GOLGB1: variants seen among roughly 807,000 people sequenced by gnomAD.
GOLGB1 encodes golgin subfamily B member 1.
In GOLGB1, 174 loss-of-function variants were observed where a neutral mutation model predicts 336.9. That is an observed-to-expected ratio of 0.52 (90% CI 0.46 to 0.59). GOLGB1 has a LOEUF of 0.59. Among genes scored for constraint, GOLGB1 ranks in the 20% least tolerant of loss-of-function variants. The probability of loss-of-function intolerance (pLI) is 0.00; values close to 1 mark genes in which losing one functional copy is unlikely to be tolerated. For missense variants in GOLGB1, 3,331 were observed against 3,645.3 expected, an observed-to-expected ratio of 0.91 and a Z score of 2.22; for synonymous variants, 1,208 against 1,289.2, an observed-to-expected ratio of 0.94 and a Z score of 1.35.
intron 5 of GOLGB1, among the ~76,000 whole-genome samples, chr3:121,723,774 C>G (rs1945355642): frequency 6.6e-6 from 1 of 152,072 alleles, no homozygotes; most frequent in Non-Finnish European, 1.5e-5. Context: ...TCTTTGAACA[C>G]AACACAAAAA....
chr3:121,702,872 A>G (rs1369686149), intron 10 of GOLGB1, among the ~76,000 whole-genome samples: 3 of 152,232 alleles, frequency 2.0e-5, no homozygotes, highest in Non-Finnish European at 4.4e-5. Context: ...TCCCAAGTCT[A>G]TAGCATAAGA....
chr3:121,668,869 G>A (rs1333791521), intron 18 of GOLGB1, among the ~76,000 whole-genome samples: 1 of 151,966 alleles, frequency 6.6e-6, no homozygotes, highest in Non-Finnish European at 1.5e-5. Context: ...TGTCAACAGT[G>A]CTGCCTGTTT....
rs1310228640 is a variant in GOLGB1 at position 121,691,427 on chromosome 3, A to T, written c.7937T>A (p.Val2646Glu). ...HAQLKVKEEE[V>E]HRLSALFSSS... ...GGAAAACAAAGCACTTAACCTGTGT[A>T]CCTCTTCTTCTTTTACTTTTAACTG... Residue 2646 changes from valine (V) to glutamate (E), a missense_variant, in exon 14 of 22, where the codon GTA becomes GAA. By Grantham distance (121) the Val-to-Glu change is moderately radical. Transcript: ENST00000614479. 5 of 1,613,534 alleles carry T rather than the reference A, an allele frequency of 3.1e-6. No individual in the cohort carries two copies. The highest frequency in any genetic ancestry group is 4.2e-6 in the Non-Finnish European group (5 of 1,179,942).
At position 121,717,388 on chromosome 3, in the gene GOLGB1, G is replaced by A. The variant is rs140442596; in HGVS notation, c.886-249C>T. ...TAGCACCAATTCTGCATTATGATGA[G>A]ACTACTTGGATGTGACAGGATAGGA... On this transcript the variant is annotated intron_variant, in intron 8 of 21. Transcript: ENST00000614479. Among the ~76,000 whole-genome samples the A allele has an allele frequency of 2.2e-3, 330 of 152,290 alleles. 2 individuals are homozygous for A. The highest frequency in any genetic ancestry group is 7.6e-3 in the African/African-American group (315 of 41,566).
rs1560352229 is a variant in GOLGB1, at chr3:121,747,313, G to GTATATATGTGTATATACGTATATATGTA, written c.-3+2291_-3+2318dup. On this transcript the variant is annotated intron_variant, in intron 1 of 21. Transcript: ENST00000614479. ...TATATATGTGTATATATGTATATAT[G>GTATATATGTGTATATACGTATATATGTA]TATATATGTGTATATACGTATATAT... Among the ~76,000 whole-genome samples, 16 of 140,150 alleles carry GTATATATGTGTATATACGTATATATGTA rather than the reference G, an allele frequency of 1.1e-4. No individual in the cohort carries two copies. The East Asian group carries it at 2.7e-3, about 23-fold the overall frequency. The allele number at this position is 140,150 out of a possible 152,430, so 91.9% of individuals were successfully genotyped here.
intron 14 of GOLGB1, among the ~76,000 whole-genome samples, chr3:121,685,707 A>G (rs189674545): frequency 1.3e-5 from 2 of 152,340 alleles, no homozygotes; most frequent in East Asian, 3.9e-4. Flanking sequence ...TGATATTTAC[A>G]TACACAGGAA....
At chr3:121,702,774 T>G (rs190911955) in intron 10 of GOLGB1, among the ~76,000 whole-genome samples, 179 bp from the exon 11 acceptor site, 1 of 152,214 alleles carries the variant, frequency 6.6e-6, no homozygotes, top group Non-Finnish European at 1.5e-5. Context: ...ATCTAAAGAT[T>G]TAGAAAAAGA....
In GOLGB1 at chr3:121,698,363, A is replaced by G. The variant is rs1416102917; in HGVS notation, c.2160T>C (p.Ala720=). The G allele has an allele frequency of 3.7e-6, 6 of 1,613,632 alleles. No individual in the cohort carries two copies. The highest frequency in any genetic ancestry group is 5.1e-6 in the Non-Finnish European group (6 of 1,179,826). Residue 720 remains alanine, a synonymous_variant, in exon 13 of 22, where the codon GCT becomes GCC. Transcript: ENST00000614479. ...EIYEKNLDEK[A]KEISNLNQLI... is the part of the protein sequence containing the mutation. ...ACTGGTTTAGGTTGCTAATTTCCTT[A>G]GCTTTCTCATCTAAATTTTTCTCAT...
intron 10 of GOLGB1, among the ~76,000 whole-genome samples, chr3:121,711,703 T>C (rs1944371680): frequency 1.3e-5 from 2 of 152,166 alleles, no homozygotes; most frequent in African/African-American, 4.8e-5. Context: ...CATTGGAAAA[T>C]GAAATAAAAA....
chr3:121,707,093 G>T (rs1293760508), intron 10 of GOLGB1, among the ~76,000 whole-genome samples: 1 of 151,502 alleles, frequency 6.6e-6, no homozygotes, highest in Non-Finnish European at 1.5e-5. Flanking sequence ...CAGGTGTGGT[G>T]GTGGGTGCCT....
intron 1 of GOLGB1, among the ~76,000 whole-genome samples, chr3:121,738,274 T>C (rs1180396891): frequency 6.6e-6 from 1 of 152,200 alleles, no homozygotes; most frequent in Non-Finnish European, 1.5e-5. Flanking sequence ...AACCAACTGA[T>C]GGGATTCTGA....
intron 2 of GOLGB1, 141 bp from the exon 3 acceptor site, chr3:121,730,158 T>G (rs565303961): frequency 1.9e-5 from 11 of 593,898 alleles, no homozygotes; most frequent in African/African-American, 1.5e-4. Flanking sequence ...CCAATAATAA[T>G]CATTATCATA....
chr3:121,720,840 TC>T (rs1290171493), intron 6 of GOLGB1, among the ~76,000 whole-genome samples: 3 of 152,194 alleles, frequency 2.0e-5, no homozygotes, highest in Admixed American at 2.0e-4. Flanking sequence ...TATCTATATA[TC>T]ATGGTTTTGC....
intron 2 of GOLGB1, 92 bp from the exon 3 acceptor site, chr3:121,730,109 C>A: frequency 1.3e-6 from 1 of 770,582 alleles, no homozygotes; most frequent in Admixed American, 2.7e-5. Flanking sequence ...ATGTTTTGCC[C>A]AATTCATATT....
intron 18 of GOLGB1, among the ~76,000 whole-genome samples, chr3:121,669,007 C>G (rs546280491): frequency 1.3e-5 from 2 of 152,300 alleles, no homozygotes; most frequent in African/African-American, 4.8e-5. Flanking sequence ...TTCTCTCCCA[C>G]CATCTCACTG....
At chr3:121,711,486 C>T (rs1440082113) in intron 10 of GOLGB1, among the ~76,000 whole-genome samples, 2 of 152,182 alleles carry the variant, frequency 1.3e-5, no homozygotes, top group African/African-American at 4.8e-5. Context: ...AAAGTCCAGT[C>T]TCACCACTTC....
In GOLGB1 at chr3:121,699,857, T is replaced by C. The variant is rs923813805; in HGVS notation, c.1548A>G (p.Leu516=). The change falls in exon 12 of 22, where the codon CTA becomes CTG. Residue 516 remains leucine (L), a synonymous_variant. Transcript: ENST00000614479. ...CCTCCCCAGTTCTATTCTGAGCCTC[T>C]AGGAGAGTAATCTGAGAAGACAGTT... ...NEKLSSQITL[L]EAQNRTGEAD... 2 of 1,603,890 alleles carry C rather than the reference T, an allele frequency of 1.2e-6. No homozygotes were observed. Among genetic ancestry groups the C allele is most frequent in the Non-Finnish European group, 1.7e-6 (2 of 1,172,046 alleles).
chr3:121,701,320 T>C (rs1310312873), intron 11 of GOLGB1, among the ~76,000 whole-genome samples: 1 of 152,146 alleles, frequency 6.6e-6, no homozygotes, highest in East Asian at 1.9e-4. Flanking sequence ...ATGGATAAGG[T>C]CTCAAAGAAG....
chr3:121,682,662 C>T (rs1165512730), intron 14 of GOLGB1, among the ~76,000 whole-genome samples: 3 of 152,132 alleles, frequency 2.0e-5, no homozygotes, highest in Non-Finnish European at 4.4e-5. Flanking sequence ...GAAATAATAT[C>T]AGGACATCTG....
Sources: gnomAD v4.1 joint callset for allele counts (sites outside exome capture counted in the v4.1 genomes callset) on GRCh38, gnomAD v4.1.1 for gene constraint, MANE v1.5 for transcripts, NCBI Gene and HGNC (gene_info 2026-07-23, HGNC 2026-07-21) for gene names.